Variants in RELN observed in about 807,000 individuals in gnomAD.
The protein encoded by RELN is reelin.
A neutral mutation model predicts 427.6 loss-of-function variants in RELN; 108 were observed. The observed-to-expected ratio is 0.25, with a 90% CI of 0.22 to 0.30. The LOEUF (loss-of-function observed/expected upper bound fraction) is 0.30. Among genes scored for constraint, RELN ranks in the 10% least tolerant of loss-of-function variants. The pLI is 1.00. For missense variants in RELN, 3,715 were observed against 4,302.8 expected (o/e 0.86, Z 3.82); for synonymous variants, 1,524 against 1,513.4 (o/e 1.01, Z -0.16).
chr7:103,576,236 A>T (rs1045701945), intron 28 of RELN, among the ~76,000 whole-genome samples: 10 of 151,826 alleles, frequency 6.6e-5, no homozygotes, highest in Admixed American at 6.6e-4. Flanking sequence ...CTCCGTCTCA[A>T]AAAAAAAATT....
intron 27 of RELN, among the ~76,000 whole-genome samples, chr7:103,590,562 CAATAAATA>C (rs3056325): frequency 0.019 from 690 of 36,164 alleles, 6 homozygotes; most frequent in African/African-American, 0.056. Flanking sequence ...TCCATCTCAA[CAATAAATA>C]AATAAATAAA....
chr7:103,915,249 C>T (rs1318529019), intron 2 of RELN, among the ~76,000 whole-genome samples: 1 of 152,082 alleles, frequency 6.6e-6, no homozygotes, highest in African/African-American at 2.4e-5. Context: ...ACTCAAATAC[C>T]ATTTCCTCAG....
chr7:103,510,984 T>C lies in RELN; in HGVS notation c.8141A>G (p.His2714Arg), dbSNP rs746594396. Residue 2714 changes from histidine to arginine, a missense_variant, in exon 51 of 65, where the codon CAT becomes CGT. By Grantham distance (29) the His-to-Arg change is conservative (BLOSUM62 0). This residue lies in a region of RELN where 1,310 missense variants were observed against 1,643.0 expected (regional missense o/e 0.80). Coordinates refer to ENST00000428762, the MANE Select transcript of RELN (RefSeq NM_005045.4). ...KTSVNEHWLFHDDCTVERFCD... is the reference protein window; with the variant it reads ...KTSVNEHWLFRDDCTVERFCD... ...GAATCTTTCTACTGTACAATCATCATGGAATAGCCAGTGCTCATTCACTTA... is the reference window on the plus strand; with the variant it reads ...GAATCTTTCTACTGTACAATCATCACGGAATAGCCAGTGCTCATTCACTTA... 80 of 1,613,730 alleles carry C rather than the reference T, an allele frequency of 5.0e-5. No homozygotes were observed. Among genetic ancestry groups the C allele is most frequent in the Non-Finnish European group, 6.2e-5 (73 of 1,179,782 alleles).
At chr7:103,908,055 G>A (rs148802920) in intron 2 of RELN, among the ~76,000 whole-genome samples, 1 of 152,160 alleles carries the variant, frequency 6.6e-6, no homozygotes, top group Non-Finnish European at 1.5e-5. Flanking sequence ...AACATGAGGT[G>A]GACACCTGGT....
At chr7:103,738,753 G>A (rs1180903666) in intron 6 of RELN, among the ~76,000 whole-genome samples, 1 of 133,838 alleles carries the variant, frequency 7.5e-6, no homozygotes, top group Admixed American at 8.6e-5. Context: ...CATTATCTCG[G>A]CTCACTGCAA....
intron 3 of RELN, among the ~76,000 whole-genome samples, chr7:103,818,616 G>A (rs1046070565): frequency 1.2e-4 from 19 of 152,142 alleles, no homozygotes; most frequent in Admixed American, 3.9e-4. Context: ...ACATACTTTC[G>A]TAATGAAAAG....
At chr7:103,515,020 T>C (rs925329275) in intron 50 of RELN, among the ~76,000 whole-genome samples, 165 bp downstream of exon 50, 2 of 152,138 alleles carry the variant, frequency 1.3e-5, no homozygotes, top group Non-Finnish European at 2.9e-5. Context: ...TTAGTTAAAA[T>C]GCCAACTAGG....
chr7:103,975,670 C>G (rs1239118394), intron 1 of RELN, among the ~76,000 whole-genome samples: 5 of 151,054 alleles, frequency 3.3e-5, no homozygotes, highest in African/African-American at 1.2e-4. Context: ...CTCAGCCTCC[C>G]GAGTAGCTGG....
chr7:103,642,811 A>G (rs1038427391), intron 16 of RELN, among the ~76,000 whole-genome samples: 1 of 152,126 alleles, frequency 6.6e-6, no homozygotes, highest in Non-Finnish European at 1.5e-5. Context: ...GTGTGACAGC[A>G]AGAAAAAGTC....
intron 4 of RELN, among the ~76,000 whole-genome samples, chr7:103,764,102 A>G (rs1013596135): frequency 6.6e-6 from 1 of 152,142 alleles, no homozygotes; most frequent in African/African-American, 2.4e-5. Flanking sequence ...GGACGGACTA[A>G]AGTTCAGTTT....
rs1442025039 is a variant in RELN, at chr7:103,523,469, G to A, written c.7412C>T (p.Ala2471Val). The A allele has an allele frequency of 6.2e-7, 1 of 1,613,828 alleles. No homozygotes were observed. The highest frequency in any genetic ancestry group is 8.5e-7 in the Non-Finnish European group (1 of 1,179,982). Residue 2471 changes from alanine to valine, a missense_variant, in exon 47 of 65, where the codon GCA becomes GTA. Around this residue, in one of 4 missense-constraint regions of RELN, gnomAD observed 1,310 missense variants for 1,643.0 expected, o/e 0.80. Coordinates refer to ENST00000428762, the MANE Select transcript of RELN (RefSeq NM_005045.4). ...PAPFDKQQTW[A>V]IDNVYIGDGC... ...ATCCCCGATATAGACATTATCTATT[G>A]CCCATGTCTGCTGCTTGTCAAAAGG...
chr7:103,622,081 A>C (rs904598280), intron 20 of RELN, among the ~76,000 whole-genome samples: 3 of 152,238 alleles, frequency 2.0e-5, no homozygotes, highest in Non-Finnish European at 4.4e-5. Flanking sequence ...ACCAGAAAGA[A>C]GCACAAATCT....
At position 103,577,837 on chromosome 7, in the gene RELN, CT is replaced by C. The variant is rs544942432; in HGVS notation, c.4146-2133del. ...GGATTAGAAGTCATGCTTGCTGCTTCTTTTTTATGTTTCTATGATAGAACCC... is the reference window on the plus strand; with the variant it reads ...GGATTAGAAGTCATGCTTGCTGCTTCTTTTTATGTTTCTATGATAGAACCC... On this transcript the variant is annotated intron_variant, in intron 28 of 64. Transcript: ENST00000428762. 1.4e-4 allele frequency among the ~76,000 whole-genome samples: 22 copies of C among 152,294 alleles called. No individual in the cohort carries two copies. In the South Asian group the frequency reaches 4.1e-3, roughly 29 times the overall value.
intron 46 of RELN, among the ~76,000 whole-genome samples, chr7:103,530,380 A>G (rs766694909): frequency 5.9e-5 from 9 of 152,214 alleles, no homozygotes; most frequent in Non-Finnish European, 1.2e-4. Context: ...ATGCTCTGTC[A>G]TATCTGCCTC....
chr7:103,530,848 C>T (rs1379471522), intron 46 of RELN, among the ~76,000 whole-genome samples: 1 of 152,198 alleles, frequency 6.6e-6, no homozygotes, highest in East Asian at 1.9e-4. Flanking sequence ...GCATTTCTAG[C>T]CCATTCCTCA....
chr7:103,966,631 G>A (rs1464424175), intron 1 of RELN, among the ~76,000 whole-genome samples: 1 of 152,192 alleles, frequency 6.6e-6, no homozygotes, highest in East Asian at 1.9e-4. Context: ...ACAACGCAGA[G>A]CTAAATAGTT....
chr7:103,600,709 T>C (rs1298799296), intron 24 of RELN, among the ~76,000 whole-genome samples: 1 of 152,172 alleles, frequency 6.6e-6, no homozygotes, highest in Non-Finnish European at 1.5e-5. Flanking sequence ...AAGTAAAATA[T>C]AACCCAGGGA....
chr7:103,771,785 C>A (rs1041538300), intron 4 of RELN, among the ~76,000 whole-genome samples: 1 of 152,028 alleles, frequency 6.6e-6, no homozygotes, highest in Admixed American at 6.6e-5. Context: ...CACAGTAATA[C>A]ATGTAATGTA....
chr7:103,619,395 C>A (rs908254602), intron 20 of RELN, among the ~76,000 whole-genome samples: 2 of 152,162 alleles, frequency 1.3e-5, no homozygotes, highest in Non-Finnish European at 2.9e-5. Flanking sequence ...GCTCCTCCAC[C>A]CCTTCTGTTG....
Sources: gnomAD v4.1 joint callset for allele counts (sites outside exome capture counted in the v4.1 genomes callset) on GRCh38, gnomAD v4.1.1 for gene constraint, gnomAD v4.1.1 regional missense constraint, MANE v1.5 for transcripts, NCBI Gene and HGNC (gene_info 2026-07-23, HGNC 2026-07-21) for gene names.